NDST4: variants seen among roughly 807,000 people sequenced by gnomAD.
NDST4 encodes N-heparan sulfate sulfotransferase 4.
NDST4 carries 63 observed loss-of-function variants against 100.8 expected under a neutral mutation model. The ratio of observed to expected loss-of-function variants is 0.62; its 90% confidence interval spans 0.51 to 0.77. The LOEUF is 0.77. Ranked by LOEUF, NDST4 falls within the 30% of genes least tolerant of loss-of-function variation. NDST4 has a pLI of 0.00. For missense variants in NDST4, 943 were observed against 1,018.4 expected (o/e 0.93, Z 1.01); for synonymous variants, 377 against 361.8 (o/e 1.04, Z -0.48).
chr4:114,855,486 G>T (rs1723774211), intron 7 of NDST4, among the ~76,000 whole-genome samples: 1 of 152,088 alleles, frequency 6.6e-6, no homozygotes, highest in Non-Finnish European at 1.5e-5. Context: ...TCATTCTTCT[G>T]CATGCAGCTA....
chr4:115,051,173 G>A (rs1728573746), intron 2 of NDST4, among the ~76,000 whole-genome samples: 1 of 151,924 alleles, frequency 6.6e-6, no homozygotes, highest in South Asian at 2.1e-4. Context: ...ACTATGACCT[G>A]CCTTTATGAT....
intron 6 of NDST4, among the ~76,000 whole-genome samples, chr4:114,922,762 T>C (rs1344100613): frequency 3.9e-5 from 6 of 152,218 alleles, no homozygotes; most frequent in African/African-American, 1.4e-4. Flanking sequence ...CAAAAGGGCA[T>C]GTGGTAGACA....
At chr4:114,852,144 T>C (rs1379240148) in intron 8 of NDST4, among the ~76,000 whole-genome samples, 1 of 152,208 alleles carries the variant, frequency 6.6e-6, no homozygotes, top group Non-Finnish European at 1.5e-5. Flanking sequence ...TGCATTCTTA[T>C]ACAGTTGTCC....
intron 2 of NDST4, among the ~76,000 whole-genome samples, chr4:115,061,621 C>CA (rs149970368): frequency 0.26 from 38,275 of 147,850 alleles, 6,615 homozygotes; most frequent in East Asian, 0.47. Flanking sequence ...TGGGGTCTGT[C>CA]GGGGGTGAGG....
intron 2 of NDST4, among the ~76,000 whole-genome samples, chr4:115,066,372 T>G (rs2126285570): frequency 6.6e-6 from 1 of 152,306 alleles, no homozygotes; most frequent in Middle Eastern, 3.4e-3. Context: ...TTGATAAAGT[T>G]AAATGTGTGG....
chr4:114,949,377 T>C (rs1191889807), intron 4 of NDST4, among the ~76,000 whole-genome samples: 1 of 152,012 alleles, frequency 6.6e-6, no homozygotes, highest in Non-Finnish European at 1.5e-5. Flanking sequence ...GGATAGGGAA[T>C]GGGTCCAGCC....
intron 4 of NDST4, among the ~76,000 whole-genome samples, chr4:114,945,078 A>G (rs113731016): frequency 4.6e-5 from 7 of 152,048 alleles, no homozygotes; most frequent in East Asian, 1.9e-4. Context: ...CTGTGGTGGC[A>G]CATGCCTGTA....
intron 4 of NDST4, among the ~76,000 whole-genome samples, chr4:114,948,036 A>T (rs921190686): frequency 6.6e-6 from 1 of 152,118 alleles, no homozygotes; most frequent in Non-Finnish European, 1.5e-5. Context: ...CTACAATTAT[A>T]TATAGCAGCT....
intron 2 of NDST4, among the ~76,000 whole-genome samples, chr4:115,037,403 A>C (rs1158786766): frequency 6.6e-6 from 1 of 152,142 alleles, no homozygotes; most frequent in Non-Finnish European, 1.5e-5. Context: ...ATGACTGCTA[A>C]CTTGTAGATC....
intron 6 of NDST4, among the ~76,000 whole-genome samples, chr4:114,928,671 TG>T (rs1308381382): frequency 2.0e-5 from 3 of 152,150 alleles, no homozygotes; most frequent in African/African-American, 7.2e-5. Flanking sequence ...ATCAGTCCAG[TG>T]CACAACCCCT....
chr4:114,975,597 C>A (rs17047529), intron 3 of NDST4, among the ~76,000 whole-genome samples: 1 of 152,066 alleles, frequency 6.6e-6, no homozygotes, highest in Admixed American at 6.6e-5. Context: ...GTATCCTCTA[C>A]AACATTAACT....
At chr4:115,064,276 A>C (rs1728885225) in intron 2 of NDST4, among the ~76,000 whole-genome samples, 1 of 152,062 alleles carries the variant, frequency 6.6e-6, no homozygotes, top group Non-Finnish European at 1.5e-5. Context: ...ACATCTTTGC[A>C]ACTCCGTCCT....
At chr4:114,961,730 G>A (rs767348668) in intron 4 of NDST4, among the ~76,000 whole-genome samples, 2 of 151,932 alleles carry the variant, frequency 1.3e-5, no homozygotes, top group African/African-American at 2.4e-5. Context: ...CAAGGAACAG[G>A]TGACTTCTAC....
chr4:114,978,842 T>C (rs972357839), intron 2 of NDST4, among the ~76,000 whole-genome samples: 1 of 152,164 alleles, frequency 6.6e-6, no homozygotes, highest in South Asian at 2.1e-4. Flanking sequence ...CTTGAAGTCA[T>C]TCATTATTCT....
chr4:115,038,631 T>A (rs1728284382), intron 2 of NDST4, among the ~76,000 whole-genome samples: 1 of 152,196 alleles, frequency 6.6e-6, no homozygotes, highest in African/African-American at 2.4e-5. Context: ...GACATGTAAT[T>A]AAGAACAGAT....
intron 7 of NDST4, among the ~76,000 whole-genome samples, chr4:114,854,537 C>T (rs1463633163): frequency 2.0e-5 from 3 of 152,176 alleles, no homozygotes; most frequent in East Asian, 1.9e-4. Flanking sequence ...GGCACAATCT[C>T]GGCTCACCGC....
intron 6 of NDST4, among the ~76,000 whole-genome samples, chr4:114,905,809 A>G (rs573424895): frequency 5.9e-5 from 9 of 151,998 alleles, no homozygotes; most frequent in East Asian, 5.8e-4. Flanking sequence ...AGAATTTTGT[A>G]TCAGCTGTTT....
intron 7 of NDST4, among the ~76,000 whole-genome samples, chr4:114,856,846 G>C (rs186716605): frequency 3.2e-4 from 49 of 152,326 alleles, no homozygotes; most frequent in African/African-American, 1.2e-3. Flanking sequence ...CACCTTTTAA[G>C]CTTTCAGGGG....
At chr4:114,907,250 T>C (rs1348344954) in intron 6 of NDST4, among the ~76,000 whole-genome samples, 2 of 152,088 alleles carry the variant, frequency 1.3e-5, no homozygotes, top group Admixed American at 6.6e-5. Context: ...ATGGAGAAAA[T>C]ACATCTGGCC....
Sources: allele counts gnomAD v4.1 joint callset (sites outside exome capture counted in the v4.1 genomes callset), GRCh38; gene constraint gnomAD v4.1.1; transcripts MANE v1.5; gene names NCBI Gene and HGNC (gene_info 2026-07-23, HGNC 2026-07-21).